ARHGAP6: variants seen among roughly 807,000 people sequenced by gnomAD.
ARHGAP6 encodes the protein rho GTPase-activating protein 6.
Under a neutral mutation model 55.7 loss-of-function variants are expected in ARHGAP6, and 16 were observed. The observed-to-expected ratio is 0.29, with a 90% CI of 0.19 to 0.44. The LOEUF (loss-of-function observed/expected upper bound fraction) is 0.44. Among genes scored for constraint, ARHGAP6 ranks in the 20% least tolerant of loss-of-function variants. The probability of loss-of-function intolerance (pLI) is 1.00; values close to 1 mark genes in which losing one functional copy is unlikely to be tolerated. For missense variants in ARHGAP6, 698 were observed against 808.9 expected, an observed-to-expected ratio of 0.86 and a Z score of 1.66; for synonymous variants, 382 against 360.9, an observed-to-expected ratio of 1.06 and a Z score of -0.66.
intron 1 of ARHGAP6, among the ~76,000 whole-genome samples, chrX:11,443,165 G>A (rs184990472): frequency 8.9e-6 from 1 of 112,096 alleles, no homozygotes; most frequent in African/African-American, 3.2e-5. Context: ...GAACTTTAAG[G>A]CCACAGAATC....
At chrX:11,260,562 G>A (rs1282014028) in intron 1 of ARHGAP6, among the ~76,000 whole-genome samples, 1 of 111,299 alleles carries the variant, frequency 9.0e-6, no homozygotes, top group Non-Finnish European at 1.9e-5. Flanking sequence ...AATACTTTAC[G>A]CTCTGTGGGT....
At chrX:11,517,689 A>G (rs2050857774) in intron 1 of ARHGAP6, among the ~76,000 whole-genome samples, 2 of 111,562 alleles carry the variant, frequency 1.8e-5, no homozygotes, top group African/African-American at 6.5e-5. Context: ...TGGAGCTGGA[A>G]GTCACTATCC....
chrX:11,235,525 C>A (rs1483454072), intron 2 of ARHGAP6, among the ~76,000 whole-genome samples: 2 of 111,786 alleles, frequency 1.8e-5, no homozygotes, highest in African/African-American at 6.5e-5. Context: ...ATGCAAATTT[C>A]TGCAGCCAGC....
intron 2 of ARHGAP6, among the ~76,000 whole-genome samples, chrX:11,237,636 T>G (rs2047220455): frequency 8.9e-6 from 1 of 111,949 alleles, no homozygotes. Flanking sequence ...GAGAAAAGAC[T>G]GAAGGAATGC....
At chrX:11,487,723 G>A (rs1054784996) in intron 1 of ARHGAP6, among the ~76,000 whole-genome samples, 2 of 111,624 alleles carry the variant, frequency 1.8e-5, no homozygotes, top group African/African-American at 6.5e-5. Context: ...CAAAATAAAT[G>A]AAAGTAAAGG....
Position 11,138,717 on chromosome X carries a change from C to T in ARHGAP6, c.*146G>A. The stretch of plus-strand genomic sequence containing the variant: ...AATGGCGGGGGCGTGAGTGCTCTAC[C>T]TCTGTAGGTGAACTGGATTTCTCTT... On this transcript the variant is annotated 3_prime_UTR_variant, in exon 13 of 13. Transcript: ENST00000337414. 1.5e-6 allele frequency: 1 copy of T among 652,734 alleles called. No homozygotes were observed. 53.8% of individuals were successfully genotyped at this position (652,734 alleles called of 1,213,427 possible). A position where few individuals can be genotyped will look rare whatever the true frequency, so the allele number is the denominator to read the frequency against.
intron 2 of ARHGAP6, among the ~76,000 whole-genome samples, chrX:11,206,476 C>T (rs377229725): frequency 9.0e-5 from 10 of 111,572 alleles, no homozygotes; most frequent in East Asian, 2.8e-4. Context: ...GCACTGGGCA[C>T]GAGGCTGTAA....
intron 1 of ARHGAP6, among the ~76,000 whole-genome samples, chrX:11,306,495 T>C (rs1419012317): frequency 1.8e-5 from 2 of 112,575 alleles, no homozygotes; most frequent in African/African-American, 6.5e-5. Context: ...GCTTATTATA[T>C]TTCAGGCACT....
At chrX:11,579,248 C>T (rs28633239) in intron 1 of ARHGAP6, among the ~76,000 whole-genome samples, 24,857 of 110,116 alleles carry the variant, frequency 0.23, 2,836 homozygotes, top group East Asian at 0.76. Flanking sequence ...AACGTTTGGA[C>T]GATCATGGGC....
chrX:11,513,181 T>C (rs780716340), intron 1 of ARHGAP6, among the ~76,000 whole-genome samples: 43 of 111,420 alleles, frequency 3.9e-4, no homozygotes, highest in Non-Finnish European at 6.0e-4. Context: ...TATCTAATGG[T>C]TTAGGGCCCA....
intron 1 of ARHGAP6, among the ~76,000 whole-genome samples, chrX:11,498,870 A>T (rs915205152): frequency 8.9e-6 from 1 of 112,367 alleles, no homozygotes; most frequent in Non-Finnish European, 1.9e-5. Flanking sequence ...CCATTTGGTA[A>T]AAGAGCAATA....
intron 1 of ARHGAP6, among the ~76,000 whole-genome samples, chrX:11,381,034 G>C (rs1421385665): frequency 8.9e-6 from 1 of 112,761 alleles, no homozygotes; most frequent in East Asian, 2.8e-4. Flanking sequence ...GTATGAGTAT[G>C]CCTCCCTCAC....
At chrX:11,276,231 A>G (rs1010194638) in intron 1 of ARHGAP6, among the ~76,000 whole-genome samples, 2 of 109,784 alleles carry the variant, frequency 1.8e-5, no homozygotes, top group Non-Finnish European at 3.8e-5. Flanking sequence ...ACCCTGCCCC[A>G]TCTCAGCTAT....
At chrX:11,408,796 G>A (rs2049642504) in intron 1 of ARHGAP6, among the ~76,000 whole-genome samples, 1 of 110,150 alleles carries the variant, frequency 9.1e-6, no homozygotes, top group African/African-American at 3.3e-5. Context: ...AATGCTATGG[G>A]TATCCTGGCA....
chrX:11,401,129 G>A (rs780401553), intron 1 of ARHGAP6, among the ~76,000 whole-genome samples: 13 of 112,031 alleles, frequency 1.2e-4, no homozygotes, highest in African/African-American at 4.2e-4. Flanking sequence ...GATTCTTGCT[G>A]AAATATAGCT....
chrX:11,571,737 A>AATAATAATAATT, intron 1 of ARHGAP6, among the ~76,000 whole-genome samples: 1 of 106,932 alleles, frequency 9.4e-6, no homozygotes, highest in South Asian at 4.2e-4. Context: ...TAATAATAAT[A>AATAATAATAATT]ATTAGCTGAG....
chrX:11,440,746 T>G (rs545573119), intron 1 of ARHGAP6, among the ~76,000 whole-genome samples: 1 of 112,158 alleles, frequency 8.9e-6, no homozygotes. Flanking sequence ...AATAACCACT[T>G]GAGTAATATT....
rs903261459 is a variant in ARHGAP6 at position 11,389,835 on chromosome X, G to A, written c.589-135128C>T. Among the ~76,000 whole-genome samples, 6 of 111,583 alleles carry A rather than the reference G, an allele frequency of 5.4e-5. No individual in the cohort carries two copies. In the South Asian group the frequency reaches 1.1e-3, roughly 21 times the overall value. On this transcript the variant is annotated intron_variant, in intron 1 of 12. Transcript: ENST00000337414. ...TATCACCCCCAAACATGAGAAAGTCGGTGTGGTTAGAGCTGAAGGAAGACA... is the reference window on the plus strand; with the variant it reads ...TATCACCCCCAAACATGAGAAAGTCAGTGTGGTTAGAGCTGAAGGAAGACA...
In ARHGAP6 at chrX:11,627,512, TAC is replaced by T. The variant is rs779216391; in HGVS notation, c.588+36727_588+36728del. ...ATAATGCCTATCAAATAATACCACT[TAC>T]AGAGATTTTTTTAAACATGCAAAAA... On this transcript the variant is annotated intron_variant, in intron 1 of 12. Transcript: ENST00000337414. Among the ~76,000 whole-genome samples the T allele has an allele frequency of 2.7e-5, 3 of 112,064 alleles. No homozygotes were observed. The East Asian group carries it at 8.3e-4, about 31-fold the overall frequency.
Sources: gnomAD v4.1 joint callset for allele counts (sites outside exome capture counted in the v4.1 genomes callset) on GRCh38, gnomAD v4.1.1 for gene constraint, MANE v1.5 for transcripts, NCBI Gene and HGNC (gene_info 2026-07-23, HGNC 2026-07-21) for gene names.